The following TCF24 variants were observed in gnomAD, a reference collection of about 807,000 sequenced individuals.
The protein encoded by TCF24 is transcription factor 24.
In TCF24, 5 loss-of-function variants were observed where a neutral mutation model predicts 9.3. The ratio of observed to expected loss-of-function variants is 0.54; its 90% confidence interval spans 0.28 to 1.13. TCF24 has a LOEUF of 1.13. Among genes scored for constraint, TCF24 ranks in the 50% most tolerant of loss-of-function variants. The probability of loss-of-function intolerance (pLI) is 0.09; values close to 1 mark genes in which losing one functional copy is unlikely to be tolerated. For missense variants in TCF24, 220 were observed against 236.1 expected (o/e 0.93, Z 0.45); for synonymous variants, 110 against 115.8 (o/e 0.95, Z 0.32).
At chr8:66,961,153 C>G (rs1814244917) in intron 3 of TCF24, among the ~76,000 whole-genome samples, 1 of 152,218 alleles carries the variant, frequency 6.6e-6, no homozygotes, top group South Asian at 2.1e-4. Flanking sequence ...CCAAGCCACC[C>G]CGGCTTTAAA....
At chr8:66,949,588 A>G (rs1814024319) in intron 3 of TCF24, among the ~76,000 whole-genome samples, 1 of 152,226 alleles carries the variant, frequency 6.6e-6, no homozygotes, top group Non-Finnish European at 1.5e-5. Flanking sequence ...TCTTTATAGC[A>G]GCATGATTTA....
chr8:66,958,088 T>A (rs1236263062), intron 3 of TCF24, among the ~76,000 whole-genome samples: 1 of 152,142 alleles, frequency 6.6e-6, no homozygotes, highest in African/African-American at 2.4e-5. Context: ...GAATATTGTG[T>A]CCTTGATTTT....
chr8:66,953,267 A>C (rs1378086232), intron 3 of TCF24, among the ~76,000 whole-genome samples: 1 of 151,758 alleles, frequency 6.6e-6, no homozygotes, highest in Non-Finnish European at 1.5e-5. Context: ...CGCTTCCTTC[A>C]GGAGCTCTTT....
chr8:66,947,366 GAAC>G lies in TCF24; in HGVS notation c.*682_*684del, dbSNP rs2130895614. 6.6e-6 allele frequency: 1 copy of G among 152,278 alleles called. No individual in the cohort carries two copies. Among genetic ancestry groups the G allele is most frequent in the South Asian group, 2.1e-4 (1 of 4,812 alleles). 9.4% of individuals were successfully genotyped at this position (152,278 alleles called of 1,614,324 possible). ...GTGTGGTGACATGCACCTACATTGTGAACTCTGCTGTCCGCTGACACCTGGTCT... is the reference window on the plus strand; with the variant it reads ...GTGTGGTGACATGCACCTACATTGTGTCTGCTGTCCGCTGACACCTGGTCT... On this transcript the variant is annotated 3_prime_UTR_variant, in exon 4 of 4. Coordinates refer to ENST00000563496, the MANE Select transcript of TCF24 (RefSeq NM_001193502.2).
chr8:66,961,644 C>T lies in TCF24; in HGVS notation c.122G>A (p.Gly41Asp), dbSNP rs1814257115. Residue 41 changes from glycine (G) to aspartate (D), a missense_variant, in exon 3 of 4, where the codon GGC (glycine) becomes GAC (aspartate). Transcript: ENST00000563496. The stretch of plus-strand genomic sequence containing the variant: ...CCGCCCGCTCCCGGAACGCGAGCCG[C>T]CCCCAGGGCCCGCCGGCCCCGGCCC... ...RTGPGPAGPG[G>D]GSRSGSGRPA... 8.2e-7 allele frequency: 1 copy of T among 1,213,224 alleles called. No individual in the cohort carries two copies. The highest frequency in any genetic ancestry group is 1.0e-6 in the Non-Finnish European group (1 of 978,460). 75.2% of individuals were successfully genotyped at this position (1,213,224 alleles called of 1,614,324 possible). A position where few individuals can be genotyped will look rare whatever the true frequency, so the allele number is the denominator to read the frequency against.
Position 66,961,864 on chromosome 8 carries a change from C to T in TCF24, c.-24+13G>A. ...CGAGAGGCGCAGCCCCCTGGTTCTC[C>T]CCGTGCGCCCACCAGCAGCCCAACG... On this transcript the variant is annotated intron_variant, in intron 2 of 3. Transcript: ENST00000563496. 6 of 968,218 alleles carry T rather than the reference C, an allele frequency of 6.2e-6. No homozygotes were observed. Among genetic ancestry groups the T allele is most frequent in the Non-Finnish European group, 7.4e-6 (6 of 810,604 alleles). 60.0% of individuals were successfully genotyped at this position (968,218 alleles called of 1,614,324 possible).
At chr8:66,957,010 C>G (rs566336112) in intron 3 of TCF24, among the ~76,000 whole-genome samples, 1 of 149,422 alleles carries the variant, frequency 6.7e-6, no homozygotes, top group East Asian at 2.0e-4. Flanking sequence ...CAAAACCATC[C>G]TGGGCAACAT....
rs558970767 is a variant in TCF24 at position 66,956,871 on chromosome 8, G to A, written c.390+4505C>T. On this transcript the variant is annotated intron_variant, in intron 3 of 3. Coordinates refer to ENST00000563496, the MANE Select transcript of TCF24 (RefSeq NM_001193502.2). Reference sequence around the variant, plus strand: ...AGACCAGGCCTTTGGGAGGTAAAAAGAGTTAGATTAGCTCATGAGGGACTA... The same window carrying A: ...AGACCAGGCCTTTGGGAGGTAAAAAAAGTTAGATTAGCTCATGAGGGACTA... Among the ~76,000 whole-genome samples, 56 of 151,990 alleles carry A rather than the reference G, an allele frequency of 3.7e-4. 1 individual carries two copies. Among genetic ancestry groups the A allele is most frequent in the Non-Finnish European group, 7.2e-4 (49 of 67,994 alleles).
At chr8:66,954,247 T>G (rs889039768) in intron 3 of TCF24, among the ~76,000 whole-genome samples, 1 of 146,582 alleles carries the variant, frequency 6.8e-6, no homozygotes, top group Non-Finnish European at 1.5e-5. Flanking sequence ...TGGTCTTTGA[T>G]GATGTGATGT....
In TCF24 at chr8:66,962,372, C is replaced by T. The variant is rs1331333788; in HGVS notation, c.-178G>A. The T allele has an allele frequency of 6.5e-6, 1 of 152,926 alleles. No individual in the cohort carries two copies. The highest frequency in any genetic ancestry group is 1.9e-4 in the East Asian group (1 of 5,182). The allele number at this position is 152,926 out of a possible 1,614,324, so 9.5% of individuals were successfully genotyped here. ...GTGGAGCTCCGCTCCGTCGTGAGGG[C>T]GGGCGAGGGGCGTGGAGCAGGGCCT... On this transcript the variant is annotated 5_prime_UTR_variant, in exon 1 of 4. Transcript: ENST00000563496.
At chr8:66,948,274 G>T in intron 3 of TCF24, 110 bp from the exon 4 acceptor site, 1 of 629,650 alleles carries the variant, frequency 1.6e-6, no homozygotes, top group African/African-American at 1.9e-5. Flanking sequence ...GCAATATTAT[G>T]TAGCTAATAA....
intron 3 of TCF24, among the ~76,000 whole-genome samples, chr8:66,960,373 A>G (rs1041553863): frequency 1.3e-5 from 2 of 152,140 alleles, no homozygotes; most frequent in Non-Finnish European, 2.9e-5. Context: ...TAATTTATTG[A>G]ACACTGATAT....
In TCF24 at chr8:66,946,889, G is replaced by A. The variant is rs1813972063; in HGVS notation, c.*1162C>T. 6.6e-6 allele frequency: 1 copy of A among 152,110 alleles called. No individual in the cohort carries two copies. The highest frequency in any genetic ancestry group is 1.5e-5 in the Non-Finnish European group (1 of 68,014). The allele number at this position is 152,110 out of a possible 1,614,324, so 9.4% of individuals were successfully genotyped here. ...TTATTAGCAAGAAAATCATTTTTCTGAAATTCTTGCTGTTAAATTTAGTGT... is the reference window on the plus strand; with the variant it reads ...TTATTAGCAAGAAAATCATTTTTCTAAAATTCTTGCTGTTAAATTTAGTGT... On this transcript the variant is annotated 3_prime_UTR_variant, in exon 4 of 4. Transcript: ENST00000563496.
chr8:66,961,303 G>T, intron 3 of TCF24, 73 bp downstream of exon 3: 1 of 1,369,694 alleles, frequency 7.3e-7, no homozygotes, highest in Non-Finnish European at 9.4e-7. Context: ...ATCTACCCAA[G>T]ACGGTGACTG....
chr8:66,961,689 T>C lies in TCF24; in HGVS notation c.77A>G (p.Asp26Gly). The change falls in exon 3 of 4, where the codon GAC becomes GGC. Residue 26 changes from aspartate (D) to glycine (G), a missense_variant. By Grantham distance (94) the Asp-to-Gly change is moderately conservative (BLOSUM62 -1). Coordinates refer to ENST00000563496, the MANE Select transcript of TCF24 (RefSeq NM_001193502.2). ...CGGCCCGGTCCGCCCGGGACGCGAGTCGCGGATGGCGGCGGCCAGGGGCGC... is the reference window on the plus strand; with the variant it reads ...CGGCCCGGTCCGCCCGGGACGCGAGCCGCGGATGGCGGCGGCCAGGGGCGC... ...EPAPLAAAIR[D>G]SRPGRTGPGP... The C allele has an allele frequency of 2.7e-6, 3 of 1,098,750 alleles. No homozygotes were observed. The highest frequency in any genetic ancestry group is 2.2e-6 in the Non-Finnish European group (2 of 904,162). 68.1% of individuals were successfully genotyped at this position (1,098,750 alleles called of 1,614,324 possible). A position where few individuals can be genotyped will look rare whatever the true frequency, so the allele number is the denominator to read the frequency against.
At position 66,959,836 on chromosome 8, in the gene TCF24, A is replaced by T. The variant is rs562933280; in HGVS notation, c.390+1540T>A. 2.6e-5 allele frequency among the ~76,000 whole-genome samples: 4 copies of T among 152,324 alleles called. No homozygotes were observed. In the East Asian group the frequency reaches 5.8e-4, roughly 22 times the overall value. On this transcript the variant is annotated intron_variant, in intron 3 of 3. Transcript: ENST00000563496. ...AAACAATCAATATTTACAAATAAAA[A>T]CAGTTATGATTACAAAAACATTTGG...
At chr8:66,948,343 TA>T in intron 3 of TCF24, among the ~76,000 whole-genome samples, 179 bp from the exon 4 acceptor site, 1 of 152,246 alleles carries the variant, frequency 6.6e-6, no homozygotes, top group African/African-American at 2.4e-5. Flanking sequence ...ATGCTAACAG[TA>T]AAAAACAAAA....
chr8:66,956,524 G>A (rs76967775), intron 3 of TCF24, among the ~76,000 whole-genome samples: 5,621 of 151,888 alleles, frequency 0.037, 207 homozygotes, highest in African/African-American at 0.084. Flanking sequence ...CACCATGCCC[G>A]GCTAATTTTT....
chr8:66,948,943 G>A (rs982562188), intron 3 of TCF24, among the ~76,000 whole-genome samples: 1 of 151,974 alleles, frequency 6.6e-6, no homozygotes, highest in African/African-American at 2.4e-5. Context: ...TGATCCACCC[G>A]CCTCAGCCTC....
Sources: allele counts gnomAD v4.1 joint callset (sites outside exome capture counted in the v4.1 genomes callset), GRCh38; gene constraint gnomAD v4.1.1; transcripts MANE v1.5; gene names NCBI Gene and HGNC (gene_info 2026-07-23, HGNC 2026-07-21).